Variants in CLK2 observed in about 807,000 individuals in gnomAD.
CLK2 encodes the protein dual specificity protein kinase CLK2.
Under a neutral mutation model 73.5 loss-of-function variants are expected in CLK2, and 12 were observed. That is an observed-to-expected ratio of 0.16 (90% CI 0.10 to 0.26). CLK2 has a LOEUF of 0.26. Ranked by LOEUF, CLK2 falls within the 10% of genes least tolerant of loss-of-function variation. The pLI, the probability that CLK2 is intolerant of heterozygous loss-of-function variation, is 1.00. For missense variants in CLK2, 509 were observed against 688.4 expected (o/e 0.74, Z 2.92); for synonymous variants, 232 against 237.9 (o/e 0.98, Z 0.23).
chr1:155,272,399 C>T (rs528176407), intron 1 of CLK2, among the ~76,000 whole-genome samples: 6 of 152,238 alleles, frequency 3.9e-5, no homozygotes, highest in East Asian at 1.9e-4. Context: ...TGGGATGGTT[C>T]ACAAATCCTT....
At chr1:155,265,596 A>AATAAATAAATAAATAAATAAATAT (rs1347854169) in intron 8 of CLK2, among the ~76,000 whole-genome samples, 2 of 151,706 alleles carry the variant, frequency 1.3e-5, no homozygotes, top group Non-Finnish European at 2.9e-5. Context: ...TAAATAAATA[A>AATAAATAAATAAATAAATAAATAT]ATAAATAAAG....
intron 7 of CLK2, 121 bp from the exon 8 acceptor site, chr1:155,266,075 G>A (rs1673217726): frequency 4.2e-6 from 3 of 721,440 alleles, no homozygotes; most frequent in Middle Eastern, 2.4e-4. Context: ...GAATCACTAG[G>A]GCTGCTTTCT....
intron 1 of CLK2, 36 bp from the exon 2 acceptor site, chr1:155,271,013 C>T (rs780595799): frequency 9.4e-6 from 15 of 1,593,254 alleles, no homozygotes; most frequent in African/African-American, 4.0e-5. Flanking sequence ...AGGAAAGTTT[C>T]GAGTTTTCAG....
chr1:155,267,295 A>C (rs1007196920), intron 6 of CLK2, among the ~76,000 whole-genome samples: 2 of 151,856 alleles, frequency 1.3e-5, no homozygotes, highest in African/African-American at 4.8e-5. Flanking sequence ...GTTTCACCAT[A>C]TTGGCCAGGC....
intron 3 of CLK2, chr1:155,269,206 A>C: frequency 1.7e-6 from 1 of 589,910 alleles, no homozygotes; most frequent in Non-Finnish European, 3.0e-6. Flanking sequence ...GTCCCCATTA[A>C]AGAGTGGAGG....
intron 3 of CLK2, chr1:155,269,188 C>T (rs1673374926): frequency 1.7e-6 from 1 of 582,852 alleles, no homozygotes; most frequent in African/African-American, 1.9e-5. Flanking sequence ...AGGCAGTTCA[C>T]AAGCAAGGTC....
chr1:155,271,040 C>A (rs1472660698), intron 1 of CLK2, 63 bp from the exon 2 acceptor site: 2 of 1,531,886 alleles, frequency 1.3e-6, no homozygotes, highest in Non-Finnish European at 1.8e-6. Flanking sequence ...CCTCCAAGGA[C>A]TGGCTGCTCC....
At position 155,262,960 on chromosome 1, in the gene CLK2, C is replaced by T. The variant is rs1025512257; in HGVS notation, c.*258G>A. The T allele has an allele frequency of 7.4e-6, 3 of 406,650 alleles. No individual in the cohort carries two copies. The highest frequency in any genetic ancestry group is 2.0e-5 in the African/African-American group (1 of 49,028). 25.2% of individuals were successfully genotyped at this position (406,650 alleles called of 1,614,324 possible). On this transcript the variant is annotated 3_prime_UTR_variant, in exon 13 of 13. Coordinates refer to ENST00000368361, the MANE Select transcript of CLK2 (RefSeq NM_001294338.2). ...GTAGATGCCACCTGGTTACCTCACTCGGCCCCCATCCAACTCCGTATGAGG... is the reference window on the plus strand; with the variant it reads ...GTAGATGCCACCTGGTTACCTCACTTGGCCCCCATCCAACTCCGTATGAGG...
chr1:155,264,124 G>A lies in CLK2; in HGVS notation c.1227-84C>T. On this transcript the variant is annotated intron_variant, in intron 11 of 12. Transcript: ENST00000368361. ...TTCCCCATCTGAAAGTAACTGGGGG[G>A]AGAGGAGGTATCAAAGAAAAAAGAA... The A allele has an allele frequency of 3.9e-6, 6 of 1,547,368 alleles. 1 individual carries two copies. In the Middle Eastern group the frequency reaches 5.1e-4, roughly 131 times the overall value.
intron 8 of CLK2, among the ~76,000 whole-genome samples, chr1:155,265,037 T>C (rs1231477245): frequency 6.8e-6 from 1 of 147,214 alleles, no homozygotes; most frequent in African/African-American, 2.4e-5. Context: ...GCCAGATATA[T>C]AGTTATTCTG....
intron 7 of CLK2, among the ~76,000 whole-genome samples, 198 bp downstream of exon 7, chr1:155,266,531 G>A (rs981811572): frequency 6.6e-6 from 1 of 152,252 alleles, no homozygotes; most frequent in African/African-American, 2.4e-5. Context: ...TAGGCTAGGT[G>A]TAGAGTAAGA....
At chr1:155,266,970 A>G in intron 6 of CLK2, 75 bp from the exon 7 acceptor site, 1 of 1,510,376 alleles carries the variant, frequency 6.6e-7, no homozygotes, top group Middle Eastern at 1.7e-4. Flanking sequence ...ACAAGGAGGT[A>G]CTTCATAGCT....
rs894521183 is a variant in CLK2, at chr1:155,266,751, G to T, written c.816C>A (p.Phe272Leu). 3 of 1,613,182 alleles carry T rather than the reference G, an allele frequency of 1.9e-6. No homozygotes were observed. The highest frequency in any genetic ancestry group is 2.5e-6 in the Non-Finnish European group (3 of 1,179,690). The change falls in exon 7 of 13, where the codon TTC becomes TTA. Residue 272 changes from phenylalanine (F) to leucine (L), a missense_variant. By Grantham distance (22) the Phe-to-Leu change is conservative. Coordinates refer to ENST00000368361, the MANE Select transcript of CLK2 (RefSeq NM_001294338.2). ...YPIHQVRHMA[F>L]QLCQAVKFLH... ...CACACTTGACAGCCTGGCACAGCTG[G>T]AAGGCCATGTGGCGCACTTGGTGGA...
chr1:155,264,741 C>T lies in CLK2; in HGVS notation c.967G>A (p.Val323Met), dbSNP rs139698018. The T allele has an allele frequency of 5.5e-5, 88 of 1,614,132 alleles. No homozygotes were observed. The highest frequency in any genetic ancestry group is 7.1e-5 in the Non-Finnish European group (84 of 1,180,052). The part of the protein sequence containing the change: ...RDERSVKSTA[V>M]RVVDFGSATF... The stretch of plus-strand genomic sequence containing the variant: ...GCACTGCCAAAGTCTACCACCCGCA[C>T]AGCTGTGCTCTTCACACTGCGCTCA... Residue 323 changes from valine to methionine, a missense_variant, in exon 9 of 13, where the codon GTG becomes ATG. Coordinates refer to ENST00000368361, the MANE Select transcript of CLK2 (RefSeq NM_001294338.2).
Position 155,269,597 on chromosome 1 carries a change from T to A in CLK2, c.290A>T (p.His97Leu). ...GTTCTCCCGCTGATATTCATAGGAA[T>A]GCCGATAGTCTGTGTCATAGTAGGC... ...GDAYYDTDYR[H>L]SYEYQRENSS... The change falls in exon 3 of 13, where the codon CAT becomes CTT. Residue 97 changes from histidine (H) to leucine (L), a missense_variant. Physicochemically the swap from His to Leu is moderately conservative, Grantham distance 99 (BLOSUM62 -3). Transcript: ENST00000368361. 1 of 1,614,254 alleles carries A rather than the reference T, an allele frequency of 6.2e-7. No individual in the cohort carries two copies. Among genetic ancestry groups the A allele is most frequent in the Non-Finnish European group, 8.5e-7 (1 of 1,180,048 alleles).
intron 3 of CLK2, 162 bp downstream of exon 3, chr1:155,269,326 C>G (rs1039930857): frequency 3.1e-6 from 2 of 649,788 alleles, no homozygotes; most frequent in Admixed American, 4.9e-5. Flanking sequence ...GATCCAGGGC[C>G]CTTCAAGAGT....
chr1:155,265,756 T>C (rs1458240066), intron 8 of CLK2, 104 bp downstream of exon 8: 3 of 809,660 alleles, frequency 3.7e-6, no homozygotes, highest in Admixed American at 1.7e-5. Context: ...AGGGAGAAAA[T>C]GTGGGAGGAC....
At position 155,268,803 on chromosome 1, in the gene CLK2, G is replaced by T. The variant is rs905622445; in HGVS notation, c.400-8C>A. 2 of 1,609,810 alleles carry T rather than the reference G, an allele frequency of 1.2e-6. No homozygotes were observed. The highest frequency in any genetic ancestry group is 1.1e-5 in the South Asian group (1 of 91,024). On this transcript the variant is annotated splice_polypyrimidine_tract_variant and splice_region_variant and intron_variant, in intron 3 of 12. Coordinates refer to ENST00000368361, the MANE Select transcript of CLK2 (RefSeq NM_001294338.2). This position sits in a 1 kb window ranked among gnomAD's most constrained non-coding sequence, Gnocchi z 5.6. ...TCTCCGGCTGCTGTGCTGCTGTCGGGGGGCAGGGGGGGTCGGAGCAAGCCA... is the reference window on the plus strand; with the variant it reads ...TCTCCGGCTGCTGTGCTGCTGTCGGTGGGCAGGGGGGGTCGGAGCAAGCCA...
intron 2 of CLK2, among the ~76,000 whole-genome samples, chr1:155,270,454 G>A (rs960258799): frequency 6.6e-6 from 1 of 152,148 alleles, no homozygotes; most frequent in Non-Finnish European, 1.5e-5. Flanking sequence ...TAGCTTATTA[G>A]TTACCTGTAG....
Sources: allele counts gnomAD v4.1 joint callset (sites outside exome capture counted in the v4.1 genomes callset), GRCh38; gene constraint gnomAD v4.1.1; non-coding constraint Gnocchi (gnomAD v3.1); transcripts MANE v1.5; gene names NCBI Gene and HGNC (gene_info 2026-07-23, HGNC 2026-07-21).